STARD13: variants seen among roughly 807,000 people sequenced by gnomAD.
The protein encoded by STARD13 is StAR related lipid transfer domain containing 13, also known as stAR-related lipid transfer protein 13.
Under a neutral mutation model 106.4 loss-of-function variants are expected in STARD13, and 62 were observed. That is an observed-to-expected ratio of 0.58 (90% confidence interval 0.48 to 0.72). STARD13 has a LOEUF of 0.72. STARD13 is among the 30% of genes least tolerant of loss of function. The probability of loss-of-function intolerance (pLI) is 0.00; values close to 1 mark genes in which losing one functional copy is unlikely to be tolerated. For synonymous variants in STARD13, 565 were observed against 553.0 expected, an observed-to-expected ratio of 1.02 and a Z score of -0.31; for missense variants, 1,387 against 1,424.0, an observed-to-expected ratio of 0.97 and a Z score of 0.42.
At chr13:33,127,213 C>A (rs1022820958) in intron 6 of STARD13, among the ~76,000 whole-genome samples, 160 bp downstream of exon 6, 1 of 152,256 alleles carries the variant, frequency 6.6e-6, no homozygotes, top group African/African-American at 2.4e-5. Flanking sequence ...GGGTCCACTG[C>A]ATCGAGGCTA....
chr13:33,301,779 A>G (rs1892727928), intron 1 of STARD13, among the ~76,000 whole-genome samples: 1 of 152,020 alleles, frequency 6.6e-6, no homozygotes. Flanking sequence ...CGTGTTAGCC[A>G]GGATGGTCTC....
chr13:33,186,065 T>C (rs779333428), intron 1 of STARD13: 8 of 1,608,166 alleles, frequency 5.0e-6, no homozygotes, highest in Non-Finnish European at 6.8e-6. Context: ...ATGATAGTCC[T>C]CTCTCATGTT....
chr13:33,153,012 G>A (rs1198149619), intron 3 of STARD13, among the ~76,000 whole-genome samples: 1 of 152,112 alleles, frequency 6.6e-6, no homozygotes, highest in African/African-American at 2.4e-5. Context: ...GGAAAGGCAT[G>A]GACATTCTTT....
At chr13:33,636,028 G>T in the STARD13 span, among the ~76,000 whole-genome samples, 1 of 151,364 alleles carries the variant, frequency 6.6e-6, no homozygotes, top group South Asian at 2.1e-4. Flanking sequence ...CGTAATCCCA[G>T]CTACTCGGGA....
chr13:33,236,630 T>G (rs1202207471), intron 1 of STARD13, among the ~76,000 whole-genome samples: 2 of 152,188 alleles, frequency 1.3e-5, no homozygotes, highest in East Asian at 3.9e-4. Flanking sequence ...GTTAGGAAAG[T>G]GCATCTATGT....
intron 7 of STARD13, among the ~76,000 whole-genome samples, chr13:33,118,503 A>G (rs778954620): frequency 2.6e-5 from 4 of 152,214 alleles, no homozygotes; most frequent in Non-Finnish European, 5.9e-5. Context: ...ATAGATGTGC[A>G]TGTGCTTTGC....
At chr13:33,114,333 C>A (rs1875055756) in intron 8 of STARD13, among the ~76,000 whole-genome samples, 1 of 152,118 alleles carries the variant, frequency 6.6e-6, no homozygotes, top group African/African-American at 2.4e-5. Flanking sequence ...CGCCTGCAGT[C>A]TCATGCAGGA....
At chr13:33,638,911 A>G in the STARD13 span, among the ~76,000 whole-genome samples, 1 of 152,082 alleles carries the variant, frequency 6.6e-6, no homozygotes, top group African/African-American at 2.4e-5. Context: ...TGTTTTATTT[A>G]TTCATTCATT....
the STARD13 span, among the ~76,000 whole-genome samples, chr13:33,425,046 G>T: frequency 6.6e-6 from 1 of 152,210 alleles, no homozygotes; most frequent in Non-Finnish European, 1.5e-5. Context: ...TTGATGCTAA[G>T]AATAGATACT....
chr13:33,533,324 G>A, the STARD13 span, among the ~76,000 whole-genome samples: 1 of 152,154 alleles, frequency 6.6e-6, no homozygotes, highest in Non-Finnish European at 1.5e-5. Context: ...CCCATAGCAG[G>A]TCTCAGCAGT....
chr13:33,205,869 T>A, intron 1 of STARD13: 2 of 985,384 alleles, frequency 2.0e-6, no homozygotes, highest in Non-Finnish European at 2.4e-6. Flanking sequence ...ACAAAACCCC[T>A]CTCTTCTTCA....
At chr13:33,165,233 C>T (rs1406210015) in intron 3 of STARD13, 104 bp downstream of exon 3, 3 of 838,696 alleles carry the variant, frequency 3.6e-6, no homozygotes, top group Admixed American at 3.6e-5. Context: ...ACATGGTAGG[C>T]ACTCAGTGAA....
At chr13:33,674,996 A>C in the STARD13 span, among the ~76,000 whole-genome samples, 2 of 152,226 alleles carry the variant, frequency 1.3e-5, no homozygotes, top group African/African-American at 4.8e-5. Flanking sequence ...ATGCTAATCC[A>C]AGCCCACTGC....
At chr13:33,427,689 C>A in the STARD13 span, among the ~76,000 whole-genome samples, 2 of 152,142 alleles carry the variant, frequency 1.3e-5, no homozygotes, top group Non-Finnish European at 2.9e-5. Context: ...GGTGTGGTGC[C>A]TCACGCCTGT....
chr13:33,117,948 A>G (rs1875636248), intron 8 of STARD13, 117 bp downstream of exon 8: 8 of 1,523,372 alleles, frequency 5.3e-6, no homozygotes. Context: ...GCAGGATTAC[A>G]TACATCTTTA....
At chr13:33,323,291 C>T (rs1212385582) in intron 1 of STARD13, among the ~76,000 whole-genome samples, 1 of 152,178 alleles carries the variant, frequency 6.6e-6, no homozygotes, top group African/African-American at 2.4e-5. Context: ...GTACGCCCTT[C>T]CTAACCCTTT....
At chr13:33,601,002 G>A in the STARD13 span, among the ~76,000 whole-genome samples, 3,097 of 152,166 alleles carry the variant, frequency 0.02, 119 homozygotes, top group African/African-American at 0.07. Flanking sequence ...TGGATCAAAC[G>A]ATGGAAAATG....
intron 4 of STARD13, among the ~76,000 whole-genome samples, chr13:33,139,728 C>T (rs1879560620): frequency 6.6e-6 from 1 of 151,652 alleles, no homozygotes; most frequent in African/African-American, 2.4e-5. Flanking sequence ...GATCATTTGG[C>T]CTAGTCTTAG....
the STARD13 span, among the ~76,000 whole-genome samples, chr13:33,418,976 A>G: frequency 6.6e-6 from 1 of 152,196 alleles, no homozygotes; most frequent in Non-Finnish European, 1.5e-5. Flanking sequence ...AATATCAAAG[A>G]CCAAAGGTAC....
Sources: gnomAD v4.1 joint callset for allele counts (sites outside exome capture counted in the v4.1 genomes callset) on GRCh38, gnomAD v4.1.1 for gene constraint, MANE v1.5 for transcripts, NCBI Gene and HGNC (gene_info 2026-07-23, HGNC 2026-07-21) for gene names.